The following ASIC2 variants were observed in gnomAD, a reference collection of about 807,000 sequenced individuals.
ASIC2 encodes acid-sensing ion channel 2.
Under a neutral mutation model 57.3 loss-of-function variants are expected in ASIC2, and 25 were observed. The observed-to-expected ratio is 0.44, with a 90% CI of 0.32 to 0.61. The LOEUF (loss-of-function observed/expected upper bound fraction) is 0.61, where lower values mean the gene tolerates loss of function less well. Ranked by LOEUF, ASIC2 falls within the 20% of genes least tolerant of loss-of-function variation. The pLI is 0.06. For missense variants in ASIC2, 641 were observed against 738.1 expected, an observed-to-expected ratio of 0.87 and a Z score of 1.52; for synonymous variants, 319 against 307.5, an observed-to-expected ratio of 1.04 and a Z score of -0.39.
intron 1 of ASIC2, among the ~76,000 whole-genome samples, chr17:33,753,695 T>C (rs1171581742): frequency 6.6e-6 from 1 of 152,198 alleles, no homozygotes; most frequent in Non-Finnish European, 1.5e-5. Flanking sequence ...GCTCATCCTT[T>C]GCCTTATTTG....
intron 1 of ASIC2, among the ~76,000 whole-genome samples, chr17:33,455,754 C>T (rs1192905840): frequency 1.3e-5 from 2 of 152,208 alleles, no homozygotes; most frequent in Non-Finnish European, 1.5e-5. Context: ...AATGGGGTTT[C>T]ATTTACATCT....
chr17:33,775,652 G>A (rs903767196), intron 1 of ASIC2, among the ~76,000 whole-genome samples: 3 of 152,152 alleles, frequency 2.0e-5, no homozygotes, highest in Non-Finnish European at 2.9e-5. Flanking sequence ...GTGAGCACAT[G>A]TGCATGTTTG....
At position 33,322,437 on chromosome 17, in the gene ASIC2, G is replaced by A. The variant is rs1042119386; in HGVS notation, c.556-210370C>T. On this transcript the variant is annotated intron_variant, in intron 1 of 9. Coordinates refer to the ASIC2 transcript ENST00000359872. ...GAGGTGGTGATTTGTAATTCCCATC[G>A]GTTCATTGCAGCATGCTTCTATTAA... 3.3e-5 allele frequency among the ~76,000 whole-genome samples: 5 copies of A among 152,078 alleles called. No individual in the cohort carries two copies. The South Asian group carries it at 6.2e-4, about 19-fold the overall frequency.
chr17:33,894,119 T>A (rs958296669), intron 1 of ASIC2, among the ~76,000 whole-genome samples: 1 of 152,224 alleles, frequency 6.6e-6, no homozygotes, highest in Non-Finnish European at 1.5e-5. Context: ...ATGGAAAATA[T>A]TTTGTCACTT....
intron 1 of ASIC2, among the ~76,000 whole-genome samples, chr17:33,155,319 C>G: frequency 6.6e-6 from 1 of 152,206 alleles, no homozygotes; most frequent in African/African-American, 2.4e-5. Flanking sequence ...TTCCTGATGC[C>G]AGGACTCTTG....
Position 33,856,730 on chromosome 17 carries a change from C to T in ASIC2, c.555+299248G>A, listed in dbSNP as rs74996404. ...GGTGTGTTGAACAAGGAGGCTAGAGCATTCATTCCTAGCAGAGGTCATAGC... is the reference window on the plus strand; with the variant it reads ...GGTGTGTTGAACAAGGAGGCTAGAGTATTCATTCCTAGCAGAGGTCATAGC... On this transcript the variant is annotated intron_variant, in intron 1 of 9. Transcript: ENST00000359872. 1.4e-3 allele frequency among the ~76,000 whole-genome samples: 219 copies of T among 152,188 alleles called. 3 individuals are homozygous for T. The East Asian group carries it at 0.037, about 26-fold the overall frequency.
intron 1 of ASIC2, among the ~76,000 whole-genome samples, chr17:33,218,972 A>G (rs905559427): frequency 1.3e-5 from 2 of 151,936 alleles, no homozygotes; most frequent in Non-Finnish European, 2.9e-5. Context: ...TATTTTTGGT[A>G]TTTTCTCCAG....
chr17:33,777,818 T>TG (rs1284101211), intron 1 of ASIC2, among the ~76,000 whole-genome samples: 11 of 152,250 alleles, frequency 7.2e-5, no homozygotes, highest in Admixed American at 4.6e-4. Flanking sequence ...AACAAGACAA[T>TG]GGGGTGGCAC....
intron 1 of ASIC2, among the ~76,000 whole-genome samples, chr17:33,786,168 C>G (rs1181342385): frequency 6.6e-6 from 1 of 152,104 alleles, no homozygotes; most frequent in African/African-American, 2.4e-5. Flanking sequence ...AGGCTGTGGG[C>G]AAACTTGTTT....
In ASIC2 at chr17:33,748,488, G is replaced by A. The variant is rs149146090; in HGVS notation, c.555+407490C>T. On this transcript the variant is annotated intron_variant, in intron 1 of 9. Transcript: ENST00000359872. ...GAGAAAGAAGTCCTGAGAAATAATG[G>A]TGCATTATTTAAAAGCAGGGCTTCC... Among the ~76,000 whole-genome samples the A allele has an allele frequency of 5.3e-4, 80 of 152,288 alleles. No homozygotes were observed. In the East Asian group the frequency reaches 0.014, roughly 26 times the overall value.
intron 1 of ASIC2, among the ~76,000 whole-genome samples, chr17:33,463,510 G>A (rs981726913): frequency 3.9e-5 from 6 of 152,190 alleles, no homozygotes; most frequent in Non-Finnish European, 5.9e-5. Context: ...CAGTGAATTA[G>A]AAGGCAGTTG....
chr17:34,137,386 A>G (rs946811388), intron 1 of ASIC2, among the ~76,000 whole-genome samples: 3 of 152,236 alleles, frequency 2.0e-5, no homozygotes, highest in Non-Finnish European at 4.4e-5. Context: ...TTTTCCCAGG[A>G]AGGTAGCTTT....
intron 1 of ASIC2, among the ~76,000 whole-genome samples, chr17:33,399,825 CCA>C (rs1267137596): frequency 6.6e-6 from 1 of 152,132 alleles, no homozygotes; most frequent in Non-Finnish European, 1.5e-5. Flanking sequence ...GTGGGCAGGA[CCA>C]CACCGTCTCT....
chr17:34,031,097 C>CT (rs1907591016), intron 1 of ASIC2, among the ~76,000 whole-genome samples: 2 of 152,334 alleles, frequency 1.3e-5, no homozygotes, highest in South Asian at 4.1e-4. Flanking sequence ...AGCAGCCTAA[C>CT]TGGGAGGCAC....
intron 1 of ASIC2, among the ~76,000 whole-genome samples, chr17:34,081,682 T>C (rs1003076298): frequency 2.6e-5 from 4 of 152,186 alleles, no homozygotes; most frequent in African/African-American, 9.7e-5. Flanking sequence ...AATTATAATT[T>C]GCTCTATCTT....
rs1330850946 is a variant in ASIC2 at position 33,932,741 on chromosome 17, AATAT to A, written c.555+223233_555+223236del. 127 of 58,694 alleles carry A rather than the reference AATAT, an allele frequency of 2.2e-3. 1 individual carries two copies. Among genetic ancestry groups the A allele is most frequent in the African/African-American group, 4.2e-3 (62 of 14,762 alleles). The allele number at this position is 58,694 out of a possible 1,614,324, so 3.6% of individuals were successfully genotyped here. On this transcript the variant is annotated intron_variant, in intron 1 of 9. Transcript: ENST00000359872. ...AAAAAAAAAAAAAAAAAAAAAAAAA[AATAT>A]ATATATATATATATATAGTATGATA...
At chr17:33,591,594 C>A (rs1316088994) in intron 1 of ASIC2, among the ~76,000 whole-genome samples, 2 of 152,202 alleles carry the variant, frequency 1.3e-5, no homozygotes, top group African/African-American at 4.8e-5. Flanking sequence ...GTGGGTCTCA[C>A]AACCCACCAT....
chr17:33,928,245 G>A (rs1206967927), intron 1 of ASIC2, among the ~76,000 whole-genome samples: 6 of 152,210 alleles, frequency 3.9e-5, no homozygotes, highest in Non-Finnish European at 7.3e-5. Flanking sequence ...ACCTTTCGAA[G>A]GTGCTCTCCT....
intron 1 of ASIC2, among the ~76,000 whole-genome samples, chr17:33,748,243 G>A (rs1910325654): frequency 6.6e-6 from 1 of 152,156 alleles, no homozygotes; most frequent in Non-Finnish European, 1.5e-5. Flanking sequence ...ATTCCTTGCA[G>A]CTTTCCCTGA....
Sources: allele counts gnomAD v4.1 joint callset (sites outside exome capture counted in the v4.1 genomes callset), GRCh38; gene constraint gnomAD v4.1.1; transcripts MANE v1.5; gene names NCBI Gene and HGNC (gene_info 2026-07-23, HGNC 2026-07-21).